ZSWIM6: variants seen among roughly 807,000 people sequenced by gnomAD.
ZSWIM6 encodes zinc finger SWIM-type containing 6.
ZSWIM6 carries 9 observed loss-of-function variants against 113.2 expected under a neutral mutation model. The observed-to-expected ratio is 0.08, with a 90% CI of 0.05 to 0.14. ZSWIM6 has a LOEUF of 0.14. ZSWIM6 is among the 10% of genes least tolerant of loss of function. ZSWIM6 has a pLI of 1.00. For missense variants in ZSWIM6, 1,162 were observed against 1,552.2 expected, an observed-to-expected ratio of 0.75 and a Z score of 4.22; for synonymous variants, 611 against 606.5, an observed-to-expected ratio of 1.01 and a Z score of -0.11.
At chr5:61,394,486 G>A (rs147771922) in intron 1 of ZSWIM6, among the ~76,000 whole-genome samples, 37 of 152,280 alleles carry the variant, frequency 2.4e-4, no homozygotes, top group African/African-American at 8.9e-4. Context: ...ACCAGCACTG[G>A]GTGAGTCCTG....
intron 1 of ZSWIM6, among the ~76,000 whole-genome samples, chr5:61,359,155 G>T (rs908738471): frequency 6.6e-6 from 1 of 152,200 alleles, no homozygotes; most frequent in African/African-American, 2.4e-5. Context: ...AGGCTCTGCA[G>T]TGGGAGTGGA....
chr5:61,543,749 A>C lies in ZSWIM6; in HGVS notation c.3080A>C (p.Tyr1027Ser), dbSNP rs757311369. 6.4e-7 allele frequency: 1 copy of C among 1,551,790 alleles called. No individual in the cohort carries two copies. The highest frequency in any genetic ancestry group is 1.2e-5 in the South Asian group (1 of 84,062). ...GACGCTGCTACGACTGGCATGAGCT[A>C]TACACAGCTCTTTACAATAGCACGG... ...VLDAATTGMS[Y>S]TQLFTIARYM... Residue 1027 changes from tyrosine to serine, a missense_variant, in exon 14 of 14, where the codon TAT (tyrosine) becomes TCT (serine). Tyr to Ser is a moderately radical substitution (Grantham distance 144). Around this residue, in one of 4 missense-constraint regions of ZSWIM6, gnomAD observed 620 missense variants for 804.6 expected, o/e 0.77. Transcript: ENST00000252744. This position sits in a 1 kb window ranked among gnomAD's most constrained non-coding sequence, Gnocchi z 4.3.
intron 1 of ZSWIM6, among the ~76,000 whole-genome samples, chr5:61,433,851 A>C (rs1414810718): frequency 6.6e-6 from 1 of 151,770 alleles, no homozygotes; most frequent in African/African-American, 2.4e-5. Context: ...TATTGATAGA[A>C]ATATATAGAT....
chr5:61,347,050 T>A (rs543115323), intron 1 of ZSWIM6: 16 of 152,728 alleles, frequency 1.0e-4, no homozygotes, highest in Admixed American at 7.8e-4. Flanking sequence ...AGTGATATAA[T>A]AGCTAGTAAC....
At chr5:61,421,945 A>G (rs988145380) in intron 1 of ZSWIM6, among the ~76,000 whole-genome samples, 1 of 152,062 alleles carries the variant, frequency 6.6e-6, no homozygotes, top group African/African-American at 2.4e-5. Flanking sequence ...ACAGCCTTGT[A>G]TATTCTGGTT....
Position 61,487,299 on chromosome 5 carries a change from G to A in ZSWIM6, c.1034-3487G>A, listed in dbSNP as rs190779872. On this transcript the variant is annotated intron_variant, in intron 2 of 13. Coordinates refer to ENST00000252744, the MANE Select transcript of ZSWIM6 (RefSeq NM_020928.2). ...AGGCTGTTTTGGTTACTATAGGCTTGTAGTATAATTTGCAGCCAGGTAATA... is the reference window on the plus strand; with the variant it reads ...AGGCTGTTTTGGTTACTATAGGCTTATAGTATAATTTGCAGCCAGGTAATA... Among the ~76,000 whole-genome samples, 449 of 152,192 alleles carry A rather than the reference G, an allele frequency of 3.0e-3. 5 individuals are homozygous for A. The highest frequency in any genetic ancestry group is 0.01 in the African/African-American group (425 of 41,536).
At chr5:61,356,752 T>TTA (rs1210994238) in intron 1 of ZSWIM6, among the ~76,000 whole-genome samples, 50 of 138,730 alleles carry the variant, frequency 3.6e-4, no homozygotes, top group African/African-American at 1.2e-3. Flanking sequence ...TATATATATA[T>TTA]TATATATAAT....
At chr5:61,430,846 A>G (rs1202197743) in intron 1 of ZSWIM6, among the ~76,000 whole-genome samples, 5 of 152,192 alleles carry the variant, frequency 3.3e-5, no homozygotes, top group Admixed American at 2.0e-4. Flanking sequence ...TCTTGAATCA[A>G]TATTTGTATA....
At chr5:61,488,059 G>GT (rs2112209901) in intron 2 of ZSWIM6, among the ~76,000 whole-genome samples, 1 of 152,038 alleles carries the variant, frequency 6.6e-6, no homozygotes, top group Admixed American at 6.6e-5. Flanking sequence ...TTTATGCCTA[G>GT]TTTGCTGAGG....
At position 61,354,323 on chromosome 5, in the gene ZSWIM6, A is replaced by G. The variant is rs79230250; in HGVS notation, c.676+21375A>G. Among the ~76,000 whole-genome samples, 35 of 152,342 alleles carry G rather than the reference A, an allele frequency of 2.3e-4. 1 individual carries two copies. The Middle Eastern group carries it at 0.031, about 133-fold the overall frequency. ...TTAGCACTTTAACTTATTAAGGTAC[A>G]TGTTTTGGTTATCTGATTTATAGAA... On this transcript the variant is annotated intron_variant, in intron 1 of 13. Coordinates refer to ENST00000252744, the MANE Select transcript of ZSWIM6 (RefSeq NM_020928.2).
rs1216738054 is a variant in ZSWIM6 at position 61,332,791 on chromosome 5, T to C, written c.519T>C (p.Ala173=). 7.6e-3 allele frequency: 5,851 copies of C among 765,860 alleles called. 108 individuals carry two copies. The East Asian group carries it at 0.11, about 14-fold the overall frequency. 47.4% of individuals were successfully genotyped at this position (765,860 alleles called of 1,614,324 possible). A position where few individuals can be genotyped will look rare whatever the true frequency, so the allele number is the denominator to read the frequency against. ...SAAATSAAAA[A]AAAAAAAAAA... Reference sequence around the variant, plus strand: ...CCGCAACCTCGGCCGCCGCCGCCGCTGCCGCCGCCGCCGCCGCCGCCGCCG... The same window carrying C: ...CCGCAACCTCGGCCGCCGCCGCCGCCGCCGCCGCCGCCGCCGCCGCCGCCG... The change falls in exon 1 of 14, where the codon GCT becomes GCC. Residue 173 remains alanine, a synonymous_variant. Transcript: ENST00000252744.
chr5:61,400,820 C>A (rs1433038631), intron 1 of ZSWIM6, among the ~76,000 whole-genome samples: 11 of 152,128 alleles, frequency 7.2e-5, no homozygotes, highest in Admixed American at 2.0e-4. Context: ...TTGACCAGGG[C>A]AACATGAAGT....
Position 61,391,997 on chromosome 5 carries a change from A to T in ZSWIM6, c.676+59049A>T, listed in dbSNP as rs752734017. 20 of 415,032 alleles carry T rather than the reference A, an allele frequency of 4.8e-5. No homozygotes were observed. In the South Asian group the frequency reaches 6.6e-4, roughly 14 times the overall value. 25.7% of individuals were successfully genotyped at this position (415,032 alleles called of 1,614,324 possible). A position where few individuals can be genotyped will look rare whatever the true frequency, so the allele number is the denominator to read the frequency against. On this transcript the variant is annotated intron_variant, in intron 1 of 13. Transcript: ENST00000252744. The stretch of plus-strand genomic sequence containing the variant: ...TTCATTTTGTGTATATTTTCCTTCA[A>T]GATTGTATTTCCCTCATAGATTGAC...
At chr5:61,467,164 G>T (rs1747452972) in intron 1 of ZSWIM6, among the ~76,000 whole-genome samples, 1 of 152,132 alleles carries the variant, frequency 6.6e-6, no homozygotes, top group Non-Finnish European at 1.5e-5. Context: ...AATAATGGAA[G>T]TGCCCATAGC....
At chr5:61,498,352 C>T (rs921901176) in intron 4 of ZSWIM6, among the ~76,000 whole-genome samples, 14 of 152,192 alleles carry the variant, frequency 9.2e-5, no homozygotes, top group African/African-American at 3.1e-4. Context: ...TTGCAAGAGC[C>T]TTGCTGCACT....
chr5:61,543,619 G>A lies in ZSWIM6; in HGVS notation c.2950G>A (p.Ala984Thr). 6.4e-7 allele frequency: 1 copy of A among 1,551,786 alleles called. No homozygotes were observed. The highest frequency in any genetic ancestry group is 8.7e-7 in the Non-Finnish European group (1 of 1,147,034). ...GCTGGCCAGCAGCGCCCGGACACTT[G>A]CACTGCAGTGTGCCATGAAGGATCC... ...EKLASSARTL[A>T]LQCAMKDPQN... Residue 984 changes from alanine to threonine, a missense_variant, in exon 14 of 14, where the codon GCA (alanine) becomes ACA (threonine). By Grantham distance (58) the Ala-to-Thr change is moderately conservative. Transcript: ENST00000252744. The surrounding 1 kb of genome is among the most constrained non-coding windows in gnomAD (Gnocchi z 4.3).
intron 1 of ZSWIM6, among the ~76,000 whole-genome samples, chr5:61,453,728 A>G (rs761070543): frequency 1.6e-4 from 24 of 150,530 alleles, no homozygotes; most frequent in Non-Finnish European, 2.5e-4. Context: ...TTTTTTTTTA[A>G]ATTATTATTA....
At chr5:61,506,357 T>C (rs940818452) in intron 4 of ZSWIM6, among the ~76,000 whole-genome samples, 1 of 151,792 alleles carries the variant, frequency 6.6e-6, no homozygotes, top group Non-Finnish European at 1.5e-5. Flanking sequence ...CCGAGGCGGG[T>C]GGATTACCTG....
chr5:61,380,421 A>G (rs975438977), intron 1 of ZSWIM6, among the ~76,000 whole-genome samples: 1 of 152,214 alleles, frequency 6.6e-6, no homozygotes, highest in African/African-American at 2.4e-5. Context: ...TTTCCTAACA[A>G]TTAACATCTG....
Sources: gnomAD v4.1 joint callset for allele counts (sites outside exome capture counted in the v4.1 genomes callset) on GRCh38, gnomAD v4.1.1 for gene constraint, gnomAD v4.1.1 regional missense constraint, Gnocchi (gnomAD v3.1) non-coding constraint, MANE v1.5 for transcripts, NCBI Gene and HGNC (gene_info 2026-07-23, HGNC 2026-07-21) for gene names.